MGST2: variants seen among roughly 807,000 people sequenced by gnomAD.
The protein encoded by MGST2 is glutathione peroxidase MGST2.
Under a neutral mutation model 16.6 loss-of-function variants are expected in MGST2, and 9 were observed. The observed-to-expected ratio is 0.54, with a 90% CI of 0.33 to 0.95. MGST2 has a LOEUF of 0.95. Among genes scored for constraint, MGST2 ranks in the 40% least tolerant of loss-of-function variants. The pLI, the probability that MGST2 is intolerant of heterozygous loss-of-function variation, is 0.03. For synonymous variants in MGST2, 79 were observed against 68.0 expected (o/e 1.16, Z -0.79); for missense variants, 159 against 175.1 (o/e 0.91, Z 0.52).
At chr4:139,702,914 T>C (rs1727349774) in intron 3 of MGST2, among the ~76,000 whole-genome samples, 1 of 138,438 alleles carries the variant, frequency 7.2e-6, no homozygotes, top group African/African-American at 2.6e-5. Context: ...TGCCATCTCA[T>C]TATAGTTTTT....
intron 5 of MGST2, chr4:139,720,463 A>G: frequency 1.2e-6 from 1 of 803,376 alleles, no homozygotes; most frequent in Non-Finnish European, 1.8e-6. Context: ...TGTAACAAAA[A>G]TGATTATTTT....
chr4:139,702,588 T>C (rs1254542525), intron 3 of MGST2, among the ~76,000 whole-genome samples: 2 of 152,210 alleles, frequency 1.3e-5, no homozygotes, highest in Non-Finnish European at 2.9e-5. Flanking sequence ...TTGATAGGCT[T>C]CTGGACTGTT....
chr4:139,707,201 C>T (rs976382614), downstream of MGST2, among the ~76,000 whole-genome samples: 1 of 151,972 alleles, frequency 6.6e-6, no homozygotes, highest in Non-Finnish European at 1.5e-5. Context: ...TACCTCCCCC[C>T]TCTCCCCACC....
At chr4:139,716,504 A>AAAG (rs1220547256) in intron 5 of MGST2, among the ~76,000 whole-genome samples, 1 of 152,246 alleles carries the variant, frequency 6.6e-6, no homozygotes, top group African/African-American at 2.4e-5. Flanking sequence ...TGTTCCATGC[A>AAAG]AAGTTGACTT....
In MGST2 at chr4:139,704,083, G is replaced by A. The variant is rs1304731918; in HGVS notation, c.379G>A (p.Ala127Thr). 9 of 1,614,128 alleles carry A rather than the reference G, an allele frequency of 5.6e-6. No homozygotes were observed. The highest frequency in any genetic ancestry group is 7.6e-6 in the Non-Finnish European group (9 of 1,180,022). The change falls in exon 5 of 5, where the codon GCA (alanine) becomes ACA (threonine). Residue 127 changes from alanine to threonine, a missense_variant. By Grantham distance (58) the Ala-to-Thr change is moderately conservative. Coordinates refer to ENST00000265498, the MANE Select transcript of MGST2 (RefSeq NM_002413.5). Reference protein sequence around the residue: ...LLTLLGALGIANSFLDEYLDL... With the variant: ...LLTLLGALGITNSFLDEYLDL... ...GACCCTCCTAGGTGCCCTGGGAATT[G>A]CAAACAGCTTTCTGGATGAATATCT...
At chr4:139,736,006 A>C (rs1412650097) in intron 5 of MGST2, among the ~76,000 whole-genome samples, 1 of 152,200 alleles carries the variant, frequency 6.6e-6, no homozygotes, top group Non-Finnish European at 1.5e-5. Flanking sequence ...TGGGAAGGAC[A>C]CGAGGACAGA....
chr4:139,709,875 C>T (rs955558250), intron 5 of MGST2, among the ~76,000 whole-genome samples: 2 of 152,322 alleles, frequency 1.3e-5, no homozygotes, highest in Middle Eastern at 3.4e-3. Context: ...CAGTAATTAC[C>T]TCCACCTGTT....
At chr4:139,713,346 CG>C (rs1727808268) in intron 5 of MGST2, among the ~76,000 whole-genome samples, 1 of 151,394 alleles carries the variant, frequency 6.6e-6, no homozygotes, top group Admixed American at 6.6e-5. Context: ...TTTCCCAAAA[CG>C]GAGTCTGTGA....
At chr4:139,667,396 T>A (rs1293493701) in intron 1 of MGST2, among the ~76,000 whole-genome samples, 1 of 150,462 alleles carries the variant, frequency 6.6e-6, no homozygotes, top group Non-Finnish European at 1.5e-5. Flanking sequence ...GGTCCACAGA[T>A]GTCCCAAAGC....
At chr4:139,689,222 G>A (rs183638785) in intron 2 of MGST2, among the ~76,000 whole-genome samples, 102 of 151,852 alleles carry the variant, frequency 6.7e-4, no homozygotes, top group African/African-American at 2.3e-3. Context: ...CACATAATCC[G>A]GGAGATTCTC....
At chr4:139,717,024 T>C (rs1727999483) in intron 5 of MGST2, 1 of 152,584 alleles carries the variant, frequency 6.6e-6, no homozygotes, top group Non-Finnish European at 1.5e-5. Flanking sequence ...AAATACTCTA[T>C]TTTAAACAAA....
intron 1 of MGST2, among the ~76,000 whole-genome samples, chr4:139,673,351 G>C (rs1730802799): frequency 6.6e-6 from 1 of 152,132 alleles, no homozygotes; most frequent in South Asian, 2.1e-4. Flanking sequence ...GGAGAACTGG[G>C]CAGCTAATGC....
chr4:139,703,489 T>C lies in MGST2; in HGVS notation c.264T>C (p.Tyr88=), dbSNP rs1804766. The C allele has an allele frequency of 2.0e-5, 33 of 1,613,946 alleles. No individual in the cohort carries two copies. In the African/African-American group the frequency reaches 3.9e-4, roughly 19 times the overall value. ...FATCLGLVYI[Y]GRHLYFWGYS... is the part of the protein sequence containing the mutation. ...CTTGTCTGGGTCTGGTGTACATATA[T>C]GGCCGTCACCTATACTTCTGGGGAT... The change falls in exon 4 of 5, where the codon TAT becomes TAC. Residue 88 remains tyrosine, a synonymous_variant. Coordinates refer to ENST00000265498, the MANE Select transcript of MGST2 (RefSeq NM_002413.5).
intron 5 of MGST2, among the ~76,000 whole-genome samples, chr4:139,711,872 C>A (rs1727756961): frequency 6.6e-6 from 1 of 152,098 alleles, no homozygotes; most frequent in Admixed American, 6.6e-5. Flanking sequence ...TCTGTAACTT[C>A]TTCAGGCTGA....
intron 3 of MGST2, among the ~76,000 whole-genome samples, chr4:139,697,621 T>G (rs1323822332): frequency 2.0e-5 from 3 of 152,220 alleles, no homozygotes; most frequent in African/African-American, 7.2e-5. Context: ...TTCTTTTTTC[T>G]TTTAATAGTT....
At chr4:139,751,268 G>A in the MGST2 span, among the ~76,000 whole-genome samples, 2 of 152,152 alleles carry the variant, frequency 1.3e-5, no homozygotes, top group Non-Finnish European at 2.9e-5. Flanking sequence ...ACATATTCAG[G>A]TTGAGTATCC....
chr4:139,683,281 CAT>C (rs1401245773), intron 2 of MGST2, among the ~76,000 whole-genome samples: 2 of 152,134 alleles, frequency 1.3e-5, no homozygotes, highest in Non-Finnish European at 2.9e-5. Flanking sequence ...AGGGTAGACT[CAT>C]AGAATTTTCT....
At chr4:139,680,134 A>G (rs1319744155) in intron 2 of MGST2, among the ~76,000 whole-genome samples, 1 of 152,232 alleles carries the variant, frequency 6.6e-6, no homozygotes, top group Non-Finnish European at 1.5e-5. Flanking sequence ...TTTTTATGGA[A>G]GAAATAATTT....
the MGST2 span, among the ~76,000 whole-genome samples, chr4:139,750,589 G>A: frequency 6.6e-6 from 1 of 152,134 alleles, no homozygotes; most frequent in African/African-American, 2.4e-5. Context: ...TCGACACACT[G>A]GAATTCACTC....
Sources: gnomAD v4.1 joint callset for allele counts (sites outside exome capture counted in the v4.1 genomes callset) on GRCh38, gnomAD v4.1.1 for gene constraint, MANE v1.5 for transcripts, NCBI Gene and HGNC (gene_info 2026-07-23, HGNC 2026-07-21) for gene names.